CNGB1: variants seen among roughly 807,000 people sequenced by gnomAD.
The protein encoded by CNGB1 is cyclic nucleotide-gated channel beta-1.
Under a neutral mutation model 151.7 loss-of-function variants are expected in CNGB1, and 126 were observed. That is an observed-to-expected ratio of 0.83 (90% confidence interval 0.72 to 0.96). The LOEUF (loss-of-function observed/expected upper bound fraction) is 0.96, where lower values mean the gene tolerates loss of function less well. CNGB1 is among the 40% of genes least tolerant of loss of function. The pLI is 0.00. For synonymous variants in CNGB1, 623 were observed against 635.1 expected, an observed-to-expected ratio of 0.98 and a Z score of 0.29; for missense variants, 1,698 against 1,627.0, an observed-to-expected ratio of 1.04 and a Z score of -0.75.
At chr16:57,903,428 G>T (rs1442886171) in intron 27 of CNGB1, among the ~76,000 whole-genome samples, 1 of 151,968 alleles carries the variant, frequency 6.6e-6, no homozygotes, top group Non-Finnish European at 1.5e-5. Context: ...GGAGATGGAG[G>T]TTGCAGTGAG....
intron 31 of CNGB1, among the ~76,000 whole-genome samples, chr16:57,895,952 C>T (rs1960212095): frequency 6.6e-6 from 1 of 152,064 alleles, no homozygotes; most frequent in Admixed American, 6.6e-5. Flanking sequence ...TAAATCCATG[C>T]CTATATACAT....
At chr16:57,901,330 G>T (rs1960380429) in intron 29 of CNGB1, 22 bp downstream of exon 29, 1 of 1,612,182 alleles carries the variant, frequency 6.2e-7, no homozygotes, top group African/African-American at 1.3e-5. Context: ...CAGATCCCGT[G>T]GTGGCTGCCA....
intron 2 of CNGB1, 43 bp downstream of exon 2, chr16:57,967,085 A>C (rs1200189114): frequency 2.5e-6 from 4 of 1,613,452 alleles, no homozygotes; most frequent in Non-Finnish European, 1.7e-6. Context: ...GAAGACCCTG[A>C]GCAGCGAGGC....
chr16:57,918,006 G>A lies in CNGB1; in HGVS notation c.1958-530C>T, dbSNP rs574758198. Among the ~76,000 whole-genome samples, 3 of 151,892 alleles carry A rather than the reference G, an allele frequency of 2.0e-5. No homozygotes were observed. In the South Asian group the frequency reaches 6.2e-4, roughly 32 times the overall value. ...ACAGAATAGTAAATAATGCATGAAGGATGGACAGATAGATGGACAGACAGG... is the reference window on the plus strand; with the variant it reads ...ACAGAATAGTAAATAATGCATGAAGAATGGACAGATAGATGGACAGACAGG... On this transcript the variant is annotated intron_variant, in intron 20 of 32. Coordinates refer to ENST00000251102, the MANE Select transcript of CNGB1 (RefSeq NM_001297.5).
intron 17 of CNGB1, among the ~76,000 whole-genome samples, chr16:57,925,841 C>A (rs1285106624): frequency 6.6e-6 from 1 of 152,138 alleles, no homozygotes; most frequent in Non-Finnish European, 1.5e-5. Context: ...GCAGGTGCCA[C>A]CATGCCCAGC....
At chr16:57,941,603 T>C (rs1319816128) in intron 14 of CNGB1, among the ~76,000 whole-genome samples, 1 of 152,230 alleles carries the variant, frequency 6.6e-6, no homozygotes, top group Non-Finnish European at 1.5e-5. Flanking sequence ...CAAAATCATA[T>C]GATCATCTCA....
Position 57,944,000 on chromosome 16 carries a change from G to T in CNGB1, c.1122-3679C>A, listed in dbSNP as rs1008878130. Among the ~76,000 whole-genome samples the T allele has an allele frequency of 2.6e-5, 4 of 151,686 alleles. No homozygotes were observed. In the East Asian group the frequency reaches 7.8e-4, roughly 29 times the overall value. On this transcript the variant is annotated intron_variant, in intron 14 of 32. Transcript: ENST00000251102. The stretch of plus-strand genomic sequence containing the variant: ...CCTCCCGAGTTCAAGTGAGTCTCCT[G>T]CCTCAGCCTCCCGAGTAGCTGGGAG...
chr16:57,897,714 G>A (rs1228763062), intron 30 of CNGB1, 82 bp downstream of exon 30: 22 of 1,539,142 alleles, frequency 1.4e-5, no homozygotes, highest in Admixed American at 3.3e-5. Flanking sequence ...CTACCAAGCC[G>A]TAGACACTCG....
chr16:57,958,329 CAA>C (rs368375192), intron 11 of CNGB1, 79 bp downstream of exon 11: 31 of 1,341,742 alleles, frequency 2.3e-5, no homozygotes, highest in Non-Finnish European at 3.0e-5. Flanking sequence ...GCCACAGGGC[CAA>C]CCATCCTCCT....
At chr16:57,885,282 A>G (rs1463657670) in intron 32 of CNGB1, among the ~76,000 whole-genome samples, 1 of 152,162 alleles carries the variant, frequency 6.6e-6, no homozygotes, top group Admixed American at 6.5e-5. Context: ...AGAGCAGTCA[A>G]TGTGCTTGTG....
chr16:57,954,132 T>C (rs1481122837), intron 12 of CNGB1, among the ~76,000 whole-genome samples: 2 of 152,108 alleles, frequency 1.3e-5, no homozygotes, highest in Non-Finnish European at 2.9e-5. Flanking sequence ...GGCCCCAACT[T>C]CTCTAGTTTT....
Position 57,901,527 on chromosome 16 carries a change from C to A in CNGB1, c.2892+1G>T. 1 of 1,614,154 alleles carries A rather than the reference C, an allele frequency of 6.2e-7. No homozygotes were observed. The highest frequency in any genetic ancestry group is 1.1e-5 in the South Asian group (1 of 91,084). ...GAGCGTGAGGGCACCAAAAGGTGTA[C>A]CTGAAAGAGTGCGACTTTGCTAACG... On this transcript the variant is annotated splice_donor_variant, in intron 28 of 32. Transcript: ENST00000251102. LOFTEE classifies it high-confidence loss of function.
At chr16:57,936,890 G>A (rs1461242916) in intron 16 of CNGB1, among the ~76,000 whole-genome samples, 1 of 152,188 alleles carries the variant, frequency 6.6e-6, no homozygotes, top group African/African-American at 2.4e-5. Context: ...TTTTAGGCAG[G>A]AAGAGAAGGG....
At chr16:57,887,560 C>G (rs1189097499) in intron 32 of CNGB1, among the ~76,000 whole-genome samples, 1 of 152,122 alleles carries the variant, frequency 6.6e-6, no homozygotes, top group East Asian at 1.9e-4. Context: ...GGAGATAAAA[C>G]CATCACTGAA....
At chr16:57,918,834 G>A (rs1025135146) in intron 20 of CNGB1, among the ~76,000 whole-genome samples, 3 of 152,102 alleles carry the variant, frequency 2.0e-5, no homozygotes, top group Admixed American at 6.6e-5. Flanking sequence ...CAAGTAGCTG[G>A]GATTACAGGT....
At position 57,910,778 on chromosome 16, in the gene CNGB1, CA is replaced by C. The variant is rs201587126; in HGVS notation, c.2492+974del. On this transcript the variant is annotated intron_variant, in intron 25 of 32. Transcript: ENST00000251102. ...GTTGTCCCACCCTTCCAGATCTAACCAATATAAACCTTACATGTATTGATTG... is the reference window on the plus strand; with the variant it reads ...GTTGTCCCACCCTTCCAGATCTAACCATATAAACCTTACATGTATTGATTG... Among the ~76,000 whole-genome samples the C allele has an allele frequency of 3.7e-4, 56 of 150,006 alleles. 1 individual carries two copies. In the East Asian group the frequency reaches 0.011, roughly 29 times the overall value.
intron 7 of CNGB1, among the ~76,000 whole-genome samples, chr16:57,961,650 ATGAATGAATGAATGAATGAG>A (rs1962258756): frequency 6.6e-6 from 1 of 152,094 alleles, no homozygotes; most frequent in African/African-American, 2.4e-5. Flanking sequence ...GAATGAATGA[ATGAATGAATGAATGAATGAG>A]TGAATGAAGT....
chr16:57,901,082 C>T (rs1378255233), intron 29 of CNGB1, among the ~76,000 whole-genome samples: 1 of 152,076 alleles, frequency 6.6e-6, no homozygotes, highest in Non-Finnish European at 1.5e-5. Context: ...TTTGTCCTGG[C>T]CCCCATGGTC....
chr16:57,905,517 G>T (rs1960525326), intron 25 of CNGB1, among the ~76,000 whole-genome samples: 3 of 152,244 alleles, frequency 2.0e-5, no homozygotes, highest in Admixed American at 1.3e-4. Context: ...AGGTATGGGG[G>T]AGGGTGTCCT....
Sources: gnomAD v4.1 joint callset for allele counts (sites outside exome capture counted in the v4.1 genomes callset) on GRCh38, gnomAD v4.1.1 for gene constraint, MANE v1.5 for transcripts, NCBI Gene and HGNC (gene_info 2026-07-23, HGNC 2026-07-21) for gene names.